ANO6: variants seen among roughly 807,000 people sequenced by gnomAD.
The protein encoded by ANO6 is anoctamin-6.
In ANO6, 106 loss-of-function variants were observed where a neutral mutation model predicts 117.5. The observed-to-expected ratio is 0.90, with a 90% CI of 0.77 to 1.06. ANO6 has a LOEUF of 1.06. Ranked by LOEUF, ANO6 falls within the 50% of genes least tolerant of loss-of-function variation. The pLI, the probability that ANO6 is intolerant of heterozygous loss-of-function variation, is 0.00. For synonymous variants in ANO6, 367 were observed against 385.1 expected (o/e 0.95, Z 0.55); for missense variants, 955 against 1,121.1 (o/e 0.85, Z 2.12).
intron 1 of ANO6, among the ~76,000 whole-genome samples, chr12:45,261,172 G>C (rs1938019189): frequency 6.6e-6 from 1 of 152,182 alleles, no homozygotes; most frequent in Non-Finnish European, 1.5e-5. Flanking sequence ...TTCCAGGCAT[G>C]TGAAGGACAC....
chr12:45,399,757 T>C (rs1436719509), intron 12 of ANO6, among the ~76,000 whole-genome samples: 1 of 152,154 alleles, frequency 6.6e-6, no homozygotes, highest in Non-Finnish European at 1.5e-5. Context: ...TGGGTTCTCT[T>C]CTAGGATGGA....
At chr12:45,379,518 T>A (rs1471560589) in intron 10 of ANO6, among the ~76,000 whole-genome samples, 2 of 152,158 alleles carry the variant, frequency 1.3e-5, no homozygotes, top group Non-Finnish European at 2.9e-5. Context: ...TAATACACCT[T>A]TCTCCGCCCT....
chr12:45,357,167 G>A (rs1273127796), intron 7 of ANO6, 123 bp from the exon 8 acceptor site: 1 of 1,078,638 alleles, frequency 9.3e-7, no homozygotes, highest in Non-Finnish European at 1.4e-6. Flanking sequence ...AATGTTTTAA[G>A]GGTGAATTGA....
rs751570410 is a variant in ANO6, at chr12:45,430,101, C to T, written c.*790C>T. ...CAGGGAAAGTTACAGATTCAAACAG[C>T]ATTTTAACTCATGTTGATCTGGATA... is the stretch of plus-strand genomic sequence containing the variant. On this transcript the variant is annotated 3_prime_UTR_variant, in exon 20 of 20. Transcript: ENST00000320560. The T allele has an allele frequency of 9.1e-6, 9 of 985,420 alleles. No individual in the cohort carries two copies. The highest frequency in any genetic ancestry group is 9.6e-6 in the Non-Finnish European group (8 of 829,930). 61.0% of individuals were successfully genotyped at this position (985,420 alleles called of 1,614,324 possible).
intron 16 of ANO6, among the ~76,000 whole-genome samples, chr12:45,411,244 T>C (rs1305074034): frequency 1.3e-5 from 2 of 152,332 alleles, no homozygotes; most frequent in Non-Finnish European, 2.9e-5. Context: ...GATAGGACTT[T>C]TAGAGTTTCA....
intron 1 of ANO6, among the ~76,000 whole-genome samples, chr12:45,220,172 T>C (rs1282398005): frequency 1.3e-5 from 2 of 152,140 alleles, no homozygotes; most frequent in Non-Finnish European, 2.9e-5. Flanking sequence ...GGAGGAAAAG[T>C]GGTTCCAAAA....
intron 15 of ANO6, 69 bp from the exon 16 acceptor site, chr12:45,409,288 C>A (rs1476508532): frequency 8.8e-6 from 14 of 1,582,500 alleles, no homozygotes. Flanking sequence ...TTTGAGATAG[C>A]AGCAAAATAT....
chr12:45,381,462 C>T (rs1399009853), intron 10 of ANO6, among the ~76,000 whole-genome samples: 3 of 152,166 alleles, frequency 2.0e-5, no homozygotes, highest in East Asian at 1.9e-4. Flanking sequence ...TGATCATGCA[C>T]GGTCACCCCA....
chr12:45,258,217 A>T (rs1474203269), intron 1 of ANO6, among the ~76,000 whole-genome samples: 3 of 152,208 alleles, frequency 2.0e-5, no homozygotes, highest in African/African-American at 7.2e-5. Flanking sequence ...AGGATAATGC[A>T]TGTAGTGTAT....
intron 1 of ANO6, among the ~76,000 whole-genome samples, chr12:45,251,123 A>C (rs1947895842): frequency 6.6e-6 from 1 of 152,088 alleles, no homozygotes; most frequent in Non-Finnish European, 1.5e-5. Flanking sequence ...TGGAGGTGAG[A>C]TATGAGGAAA....
At position 45,401,888 on chromosome 12, in the gene ANO6, G is replaced by A; in HGVS notation, c.1480G>A (p.Gly494Arg). The A allele has an allele frequency of 6.2e-7, 1 of 1,613,896 alleles. No individual in the cohort carries two copies. The highest frequency in any genetic ancestry group is 8.5e-7 in the Non-Finnish European group (1 of 1,179,964). The part of the protein sequence containing the change: ...FSAKLPKNIN[G>R]TDPIQKYLTP... ...TGCAAAACTTCCCAAGAACATTAAT[G>A]GAACAGACCCAATCCAGAAATACCT... The change falls in exon 13 of 20, where the codon GGA becomes AGA. Residue 494 changes from glycine (G) to arginine (R), a missense_variant. Physicochemically the swap from Gly to Arg is moderately radical, Grantham distance 125. Transcript: ENST00000320560.
chr12:45,395,393 G>T (rs1942582003), intron 12 of ANO6, among the ~76,000 whole-genome samples: 1 of 152,160 alleles, frequency 6.6e-6, no homozygotes, highest in Admixed American at 6.5e-5. Flanking sequence ...AGGATTCACA[G>T]CCAAATTCTA....
rs138396024 is a variant in ANO6 at position 45,293,729 on chromosome 12, G to GTTTTTTTTTTTTTTTT, written c.71-8273_71-8258dup. The stretch of plus-strand genomic sequence containing the variant: ...GTGCCTGCCACCATGCCTGGCTAAT[G>GTTTTTTTTTTTTTTTT]TTTTTTTTTTTTTTTTTTTTTTTTT... On this transcript the variant is annotated intron_variant, in intron 1 of 19. Coordinates refer to ENST00000320560, the MANE Select transcript of ANO6 (RefSeq NM_001025356.3). 1.7e-4 allele frequency among the ~76,000 whole-genome samples: 8 copies of GTTTTTTTTTTTTTTTT among 48,406 alleles called. 1 individual carries two copies. Among genetic ancestry groups the GTTTTTTTTTTTTTTTT allele is most frequent in the Admixed American group, 3.5e-4 (1 of 2,896 alleles). The allele number at this position is 48,406 out of a possible 152,430, so 31.8% of individuals were successfully genotyped here. A position where few individuals can be genotyped will look rare whatever the true frequency, so the allele number is the denominator to read the frequency against.
intron 1 of ANO6, among the ~76,000 whole-genome samples, chr12:45,224,348 C>G (rs1947449496): frequency 6.6e-6 from 1 of 152,160 alleles, no homozygotes; most frequent in African/African-American, 2.4e-5. Context: ...TGGCCTTATT[C>G]ACGATGGCAA....
intron 3 of ANO6, among the ~76,000 whole-genome samples, chr12:45,344,738 G>C (rs2137437863): frequency 1.3e-5 from 2 of 152,256 alleles, no homozygotes; most frequent in Middle Eastern, 6.8e-3. Flanking sequence ...CAATAATAAA[G>C]AGGTAATCAG....
chr12:45,435,308 T>C (rs777614520), downstream of ANO6, among the ~76,000 whole-genome samples: 4 of 152,218 alleles, frequency 2.6e-5, no homozygotes, highest in Non-Finnish European at 5.9e-5. Flanking sequence ...TTCCACCACT[T>C]TAGCTGCTGC....
At chr12:45,348,362 C>T (rs757841062) in intron 5 of ANO6, 47 bp downstream of exon 5, 1 of 1,611,830 alleles carries the variant, frequency 6.2e-7, no homozygotes, top group Non-Finnish European at 8.5e-7. Flanking sequence ...AATTTGGAAC[C>T]TGCTGTTTTG....
In ANO6 at chr12:45,404,426, T is replaced by C. The variant is rs538058158; in HGVS notation, c.1880+890T>C. 2.6e-5 allele frequency among the ~76,000 whole-genome samples: 4 copies of C among 152,238 alleles called. No individual in the cohort carries two copies. In the South Asian group the frequency reaches 8.3e-4, roughly 32 times the overall value. ...CTGCTATAACAAATTACCCCAAGAT[T>C]AATGGGATAAAAATAACATGTAATA... On this transcript the variant is annotated intron_variant, in intron 15 of 19. Transcript: ENST00000320560.
intron 8 of ANO6, 86 bp downstream of exon 8, chr12:45,357,510 A>G: frequency 6.8e-7 from 1 of 1,472,854 alleles, no homozygotes; most frequent in Non-Finnish European, 9.4e-7. Context: ...TTTTGGTAAG[A>G]CAAGACTGAC....
Sources: allele counts gnomAD v4.1 joint callset (sites outside exome capture counted in the v4.1 genomes callset), GRCh38; gene constraint gnomAD v4.1.1; transcripts MANE v1.5; gene names NCBI Gene and HGNC (gene_info 2026-07-23, HGNC 2026-07-21).